Variants in SYNPR observed in about 807,000 individuals in gnomAD.
SYNPR encodes synaptoporin.
In SYNPR, 23 loss-of-function variants were observed where a neutral mutation model predicts 32.9. The ratio of observed to expected loss-of-function variants is 0.70; its 90% confidence interval spans 0.50 to 0.99. SYNPR has a LOEUF of 0.99. Ranked by LOEUF, SYNPR falls within the 50% of genes least tolerant of loss-of-function variation. The pLI, the probability that SYNPR is intolerant of heterozygous loss-of-function variation, is 0.00. For synonymous variants in SYNPR, 146 were observed against 135.9 expected (o/e 1.07, Z -0.52); for missense variants, 318 against 349.3 (o/e 0.91, Z 0.71).
intron 3 of SYNPR, among the ~76,000 whole-genome samples, chr3:63,537,301 C>G (rs1203021675): frequency 1.3e-5 from 2 of 152,124 alleles, no homozygotes; most frequent in Non-Finnish European, 2.9e-5. Flanking sequence ...TCCCATCTCA[C>G]TTCAACCCCT....
chr3:63,273,918 A>C (rs193022450), upstream of SYNPR, among the ~76,000 whole-genome samples: 4 of 152,292 alleles, frequency 2.6e-5, no homozygotes, highest in African/African-American at 9.6e-5. Flanking sequence ...CTAACATTAG[A>C]GTTTTTGAAA....
At chr3:63,579,664 T>C (rs1025861846) in intron 4 of SYNPR, among the ~76,000 whole-genome samples, 4 of 152,096 alleles carry the variant, frequency 2.6e-5, no homozygotes, top group Non-Finnish European at 5.9e-5. Context: ...TTTATTGACT[T>C]TTTGTTGTTT....
chr3:63,568,660 T>C (rs764698966), intron 4 of SYNPR, among the ~76,000 whole-genome samples: 27 of 152,108 alleles, frequency 1.8e-4, no homozygotes, highest in Non-Finnish European at 3.7e-4. Context: ...ACATTGCCCA[T>C]GATGTAGAAG....
chr3:63,326,129 C>T (rs547486231), intron 2 of SYNPR, among the ~76,000 whole-genome samples: 28 of 152,138 alleles, frequency 1.8e-4, no homozygotes, highest in Non-Finnish European at 3.2e-4. Context: ...GCCATACCCA[C>T]ACACATGATC....
At chr3:63,203,068 G>GTGTGTGTGTGTGTATATATATATATA in the SYNPR span, 1 of 108,590 alleles carries the variant, frequency 9.2e-6, no homozygotes, top group Non-Finnish European at 1.8e-5. Flanking sequence ...ATATGTATGT[G>GTGTGTGTGTGTGTATATATATATATA]TATATATATA....
chr3:63,527,332 G>C (rs1383470022), intron 3 of SYNPR, among the ~76,000 whole-genome samples: 1 of 151,994 alleles, frequency 6.6e-6, no homozygotes, highest in Non-Finnish European at 1.5e-5. Flanking sequence ...GATCCTAGGA[G>C]ACATCTCTAC....
chr3:63,397,769 A>G (rs1173186407), intron 2 of SYNPR, among the ~76,000 whole-genome samples: 1 of 152,212 alleles, frequency 6.6e-6, no homozygotes, highest in African/African-American at 2.4e-5. Context: ...AAAAACCTTC[A>G]TCTCATCTGA....
At chr3:63,513,473 T>C (rs543933137) in intron 3 of SYNPR, among the ~76,000 whole-genome samples, 13 of 152,166 alleles carry the variant, frequency 8.5e-5, no homozygotes, top group Non-Finnish European at 1.5e-4. Flanking sequence ...TTTTAATAGC[T>C]GCATGGTATT....
chr3:63,345,797 G>A (rs754734022), intron 2 of SYNPR, among the ~76,000 whole-genome samples: 10 of 150,262 alleles, frequency 6.7e-5, no homozygotes, highest in African/African-American at 2.2e-4. Flanking sequence ...TGTTGCTTTC[G>A]TCTAACATTG....
rs184503402 is a variant in SYNPR at position 63,595,756 on chromosome 3, T to G, written c.409-13369T>G. Among the ~76,000 whole-genome samples, 175 of 47,288 alleles carry G rather than the reference T, an allele frequency of 3.7e-3. 24 individuals carry two copies. The East Asian group carries it at 0.1, about 27-fold the overall frequency. The allele number at this position is 47,288 out of a possible 152,430, so 31.0% of individuals were successfully genotyped here. A position where few individuals can be genotyped will look rare whatever the true frequency, so the allele number is the denominator to read the frequency against. ...ATATATATATATATATATATATATA[T>G]ATATATATATATAATTTTATATATA... On this transcript the variant is annotated intron_variant, in intron 4 of 5. Transcript: ENST00000478300.
intron 2 of SYNPR, among the ~76,000 whole-genome samples, chr3:63,330,840 A>G (rs539418519): frequency 6.6e-6 from 1 of 152,270 alleles, no homozygotes; most frequent in South Asian, 2.1e-4. Flanking sequence ...GAGTCTAGGA[A>G]TGGAACAGAT....
chr3:63,460,457 C>A (rs1700562174), intron 2 of SYNPR, among the ~76,000 whole-genome samples: 1 of 151,750 alleles, frequency 6.6e-6, no homozygotes, highest in African/African-American at 2.4e-5. Flanking sequence ...CAAACTATAA[C>A]CTCCTTGAAG....
intron 2 of SYNPR, among the ~76,000 whole-genome samples, chr3:63,413,518 G>C (rs1369380666): frequency 1.3e-5 from 2 of 152,204 alleles, no homozygotes; most frequent in East Asian, 3.8e-4. Flanking sequence ...GTTTCTGCTA[G>C]TTAGACAAAA....
intron 2 of SYNPR, among the ~76,000 whole-genome samples, chr3:63,454,097 C>A (rs1030294902): frequency 1.3e-5 from 2 of 151,986 alleles, no homozygotes; most frequent in African/African-American, 4.8e-5. Flanking sequence ...CAGGAGCTTG[C>A]CCAAACACTG....
intron 2 of SYNPR, among the ~76,000 whole-genome samples, chr3:63,282,897 G>C (rs888815604): frequency 2.0e-5 from 3 of 152,168 alleles, no homozygotes; most frequent in Non-Finnish European, 4.4e-5. Flanking sequence ...ACAGAGTCCT[G>C]TATTTGCACA....
intron 2 of SYNPR, among the ~76,000 whole-genome samples, chr3:63,395,553 T>C (rs2088200597): frequency 6.6e-6 from 1 of 152,162 alleles, no homozygotes; most frequent in Non-Finnish European, 1.5e-5. Flanking sequence ...TATTTTCAAA[T>C]GGACATGATG....
At chr3:63,307,326 A>G (rs1356653837) in intron 2 of SYNPR, among the ~76,000 whole-genome samples, 1 of 151,954 alleles carries the variant, frequency 6.6e-6, no homozygotes, top group East Asian at 1.9e-4. Context: ...GTTCCCCATC[A>G]CCCTTATCAC....
At chr3:63,411,449 T>C (rs1210610375) in intron 2 of SYNPR, among the ~76,000 whole-genome samples, 2 of 152,138 alleles carry the variant, frequency 1.3e-5, no homozygotes, top group African/African-American at 4.8e-5. Context: ...TCATACTAGC[T>C]AATAGTTTTA....
chr3:63,230,449 T>C (rs1474589234), intron 1 of SYNPR, among the ~76,000 whole-genome samples: 2 of 152,168 alleles, frequency 1.3e-5, no homozygotes, highest in Admixed American at 6.5e-5. Flanking sequence ...TGGCTAATAA[T>C]TGACCCTTTT....
Sources: gnomAD v4.1 joint callset for allele counts (sites outside exome capture counted in the v4.1 genomes callset) on GRCh38, gnomAD v4.1.1 for gene constraint, MANE v1.5 for transcripts, NCBI Gene and HGNC (gene_info 2026-07-23, HGNC 2026-07-21) for gene names.